The following MTCL2 variants were observed in gnomAD, a reference collection of about 807,000 sequenced individuals.
MTCL2 encodes microtubule crosslinking factor 2.
the MTCL2 span, among the ~76,000 whole-genome samples, chr20:36,849,078 T>TTTTTTTTTTTTTG: frequency 2.8e-5 from 4 of 143,278 alleles, no homozygotes; most frequent in Non-Finnish European, 4.5e-5. Flanking sequence ...TTTTTTTTTT[T>TTTTTTTTTTTTTG]GTGACGGAGT....
At chr20:36,817,519 T>C in the MTCL2 span, 2 of 1,491,252 alleles carry the variant, frequency 1.3e-6, no homozygotes, top group Non-Finnish European at 1.8e-6. Context: ...GACTGAAAGC[T>C]CACAGAATGA....
chr20:36,813,967 A>C, the MTCL2 span, among the ~76,000 whole-genome samples: 1 of 152,094 alleles, frequency 6.6e-6, no homozygotes, highest in Non-Finnish European at 1.5e-5. Context: ...GTCTTTGCAC[A>C]GGCTATTTGC....
At chr20:36,855,232 T>C in the MTCL2 span, among the ~76,000 whole-genome samples, 41 of 152,094 alleles carry the variant, frequency 2.7e-4, no homozygotes, top group Admixed American at 6.6e-5. Flanking sequence ...GGCAAGGACA[T>C]CCACATCCCC....
the MTCL2 span, chr20:36,786,371 A>G: frequency 1.5e-6 from 2 of 1,374,830 alleles, no homozygotes; most frequent in Non-Finnish European, 1.9e-6. Flanking sequence ...CTGTCCCTCC[A>G]GGGCCAGGCA....
At chr20:36,826,550 G>A in the MTCL2 span, among the ~76,000 whole-genome samples, 7 of 150,682 alleles carry the variant, frequency 4.6e-5, no homozygotes, top group Non-Finnish European at 8.9e-5. Flanking sequence ...GCTAAATTTC[G>A]TATTTTTTGT....
the MTCL2 span, chr20:36,829,118 T>C: frequency 6.3e-7 from 1 of 1,581,272 alleles, no homozygotes; most frequent in African/African-American, 1.3e-5. Flanking sequence ...GATGAGCCGC[T>C]GACGAAGCTC....
At chr20:36,821,185 T>C in the MTCL2 span, among the ~76,000 whole-genome samples, 1 of 152,342 alleles carries the variant, frequency 6.6e-6, no homozygotes. Context: ...TTTCTAATGA[T>C]ATTTTTGCTT....
chr20:36,857,289 C>T, the MTCL2 span, among the ~76,000 whole-genome samples: 2 of 151,990 alleles, frequency 1.3e-5, no homozygotes, highest in African/African-American at 2.4e-5. Context: ...GTGTTTCTGA[C>T]GTGGGGGTTG....
chr20:36,853,490 T>TTAG, the MTCL2 span, among the ~76,000 whole-genome samples: 1 of 152,202 alleles, frequency 6.6e-6, no homozygotes, highest in Non-Finnish European at 1.5e-5. Context: ...GTTTAATGCG[T>TTAG]TCCAGACACC....
At chr20:36,856,854 G>A in the MTCL2 span, among the ~76,000 whole-genome samples, 27 of 152,178 alleles carry the variant, frequency 1.8e-4, no homozygotes, top group East Asian at 5.0e-3. Context: ...GTGTGTGTGT[G>A]TGTGCGTGCG....
the MTCL2 span, among the ~76,000 whole-genome samples, chr20:36,853,725 GTGTGT>G: frequency 4.0e-5 from 6 of 151,886 alleles, no homozygotes; most frequent in Non-Finnish European, 5.9e-5. Context: ...GTGTGTGTGT[GTGTGT>G]GTGTGTGTGT....
the MTCL2 span, chr20:36,810,008 C>T: frequency 1.9e-5 from 31 of 1,601,094 alleles, no homozygotes; most frequent in South Asian, 1.1e-5. Flanking sequence ...TTGAAATTGT[C>T]GGCCTCCTCC....
chr20:36,855,420 C>T, the MTCL2 span, among the ~76,000 whole-genome samples: 2 of 152,236 alleles, frequency 1.3e-5, no homozygotes, highest in South Asian at 4.1e-4. Flanking sequence ...CCCTGCTGTG[C>T]CTCACTACCG....
chr20:36,863,392 C>G, the MTCL2 span: 3 of 1,142,054 alleles, frequency 2.6e-6, no homozygotes, highest in Non-Finnish European at 3.2e-6. The surrounding 1 kb of genome is among the most constrained non-coding windows in gnomAD (Gnocchi z 6.2). Flanking sequence ...CCCAGGCCCG[C>G]CCGGCCTCGA....
chr20:36,795,644 C>T, the MTCL2 span, among the ~76,000 whole-genome samples: 2 of 152,048 alleles, frequency 1.3e-5, no homozygotes, highest in East Asian at 1.9e-4. Context: ...AGCGTGGTGG[C>T]GTTAGCCTGT....
the MTCL2 span, among the ~76,000 whole-genome samples, chr20:36,810,893 T>C: frequency 6.6e-6 from 1 of 152,124 alleles, no homozygotes; most frequent in Non-Finnish European, 1.5e-5. Flanking sequence ...CTAATTTTTG[T>C]ATATTTTTGA....
the MTCL2 span, among the ~76,000 whole-genome samples, chr20:36,803,867 G>A: frequency 6.9e-6 from 1 of 143,942 alleles, no homozygotes; most frequent in Non-Finnish European, 1.5e-5. Context: ...TGAGGCAGGA[G>A]AATCTCTTGA....
At chr20:36,793,966 C>T in the MTCL2 span, 16 of 1,551,554 alleles carry the variant, frequency 1.0e-5, no homozygotes, top group South Asian at 2.4e-5. This position sits in a 1 kb window ranked among gnomAD's most constrained non-coding sequence, Gnocchi z 6.8. Flanking sequence ...CCAGGCCCAC[C>T]GTCTGGCTGG....
the MTCL2 span, among the ~76,000 whole-genome samples, chr20:36,861,666 C>T: frequency 6.6e-6 from 1 of 152,216 alleles, no homozygotes; most frequent in Admixed American, 6.5e-5. Context: ...GGCAACATTT[C>T]AGCCTCCTCC....
Sources: gnomAD v4.1 joint callset for allele counts (sites outside exome capture counted in the v4.1 genomes callset) on GRCh38, gnomAD v4.1.1 for gene constraint, Gnocchi (gnomAD v3.1) non-coding constraint, MANE v1.5 for transcripts, NCBI Gene and HGNC (gene_info 2026-07-23, HGNC 2026-07-21) for gene names.